USH2A: variants seen among roughly 807,000 people sequenced by gnomAD.
USH2A encodes the protein Usher syndrome 2A (autosomal recessive, mild).
USH2A carries 443 observed loss-of-function variants against 538.9 expected under a neutral mutation model. The ratio of observed to expected loss-of-function variants is 0.82; its 90% CI spans 0.76 to 0.89. The LOEUF (loss-of-function observed/expected upper bound fraction) is 0.89, where lower values mean the gene tolerates loss of function less well. USH2A is among the 40% of genes least tolerant of loss of function. USH2A has a pLI of 0.00. For missense variants in USH2A, 6,633 were observed against 6,324.8 expected (o/e 1.05, Z -1.65); for synonymous variants, 2,413 against 2,273.5 (o/e 1.06, Z -1.75).
At chr1:215,813,631 AT>A (rs1444886127) in intron 49 of USH2A, 104 bp downstream of exon 49, 12 of 1,427,408 alleles carry the variant, frequency 8.4e-6, no homozygotes, top group Non-Finnish European at 1.1e-5. Context: ...TTATGGTTCA[AT>A]TTTTGTTGAG....
chr1:215,821,712 A>G (rs888025010), intron 47 of USH2A, among the ~76,000 whole-genome samples: 1 of 151,842 alleles, frequency 6.6e-6, no homozygotes, highest in African/African-American at 2.4e-5. Flanking sequence ...CATCTCCCCA[A>G]TGCTTTCTTC....
At chr1:215,729,657 G>A (rs563536458) in intron 60 of USH2A, among the ~76,000 whole-genome samples, 1 of 152,116 alleles carries the variant, frequency 6.6e-6, no homozygotes, top group Non-Finnish European at 1.5e-5. Context: ...TTGAGACTGG[G>A]TCTCACTCTG....
chr1:215,856,832 GGTGTGTGTGT>G (rs71159889), intron 44 of USH2A, among the ~76,000 whole-genome samples: 2,147 of 141,970 alleles, frequency 0.015, 31 homozygotes, highest in East Asian at 0.042. Flanking sequence ...AAAAAAATTT[GGTGTGTGTGT>G]GTGTGTGTGT....
chr1:216,214,056 C>G (rs2035298181), intron 15 of USH2A, among the ~76,000 whole-genome samples: 1 of 152,134 alleles, frequency 6.6e-6, no homozygotes, highest in East Asian at 1.9e-4. Flanking sequence ...CCAAATGTTG[C>G]TGAGACCATA....
At chr1:216,233,743 T>C (rs1427741939) in intron 13 of USH2A, among the ~76,000 whole-genome samples, 1 of 152,152 alleles carries the variant, frequency 6.6e-6, no homozygotes, top group Non-Finnish European at 1.5e-5. Flanking sequence ...TTCAAATTAC[T>C]TAAAATCTCT....
rs1023348155 is a variant in USH2A at position 216,348,345 on chromosome 1, T to C, written c.784+16608A>G. ...GACTTATAAAGCCAATAAAAACCCCTTGGGAAAACTGGTCACATTCTTTGT... is the reference window on the plus strand; with the variant it reads ...GACTTATAAAGCCAATAAAAACCCCCTGGGAAAACTGGTCACATTCTTTGT... On this transcript the variant is annotated intron_variant, in intron 4 of 71. Coordinates refer to ENST00000307340, the MANE Select transcript of USH2A (RefSeq NM_206933.4). Among the ~76,000 whole-genome samples, 5 of 152,128 alleles carry C rather than the reference T, an allele frequency of 3.3e-5. No homozygotes were observed. The East Asian group carries it at 9.6e-4, about 29-fold the overall frequency.
intron 3 of USH2A, among the ~76,000 whole-genome samples, chr1:216,408,773 C>A (rs939974029): frequency 6.6e-6 from 1 of 152,134 alleles, no homozygotes; most frequent in Non-Finnish European, 1.5e-5. Context: ...CAAGTTACAA[C>A]TGTGATACAG....
In USH2A at chr1:216,423,021, C is replaced by A. The variant is rs142275703; in HGVS notation, c.-205+193G>T. Among the ~76,000 whole-genome samples, 127 of 152,150 alleles carry A rather than the reference C, an allele frequency of 8.3e-4. 1 individual carries two copies. Among genetic ancestry groups the A allele is most frequent in the Non-Finnish European group, 1.4e-3 (93 of 67,992 alleles). On this transcript the variant is annotated intron_variant, in intron 1 of 71. Transcript: ENST00000307340. ...GCTGGCAAAGGACTTTGGGCCTTTC[C>A]CCTTATCCCAGCATGTGCAGCAACT...
intron 55 of USH2A, among the ~76,000 whole-genome samples, chr1:215,778,301 C>A (rs1209207355): frequency 6.6e-6 from 1 of 152,168 alleles, no homozygotes; most frequent in African/African-American, 2.4e-5. Flanking sequence ...ATCCGGCTGC[C>A]TCGGCGTCCC....
chr1:215,910,771 AG>A (rs1205191830), intron 38 of USH2A, among the ~76,000 whole-genome samples: 1 of 151,900 alleles, frequency 6.6e-6, no homozygotes, highest in Non-Finnish European at 1.5e-5. Flanking sequence ...ATTTGTTCAT[AG>A]TTCCTTTTAA....
chr1:215,735,483 G>C (rs907242978), intron 60 of USH2A, among the ~76,000 whole-genome samples: 1 of 152,074 alleles, frequency 6.6e-6, no homozygotes, highest in African/African-American at 2.4e-5. Flanking sequence ...GAAGGAAATA[G>C]GAAAATCGGA....
intron 2 of USH2A, among the ~76,000 whole-genome samples, 176 bp downstream of exon 2, chr1:216,421,676 C>T (rs192228023): frequency 2.0e-3 from 299 of 152,074 alleles, no homozygotes; most frequent in African/African-American, 7.0e-3. Flanking sequence ...TTTCATGGTC[C>T]ATTTCATCCA....
chr1:215,959,526 G>GAA (rs1667147347), intron 37 of USH2A, among the ~76,000 whole-genome samples: 4 of 152,084 alleles, frequency 2.6e-5, no homozygotes, highest in Admixed American at 2.6e-4. Context: ...TTCAGAAAGA[G>GAA]TTATCTGAGA....
intron 56 of USH2A, among the ~76,000 whole-genome samples, chr1:215,761,642 A>G (rs1416536270): frequency 6.6e-6 from 1 of 152,216 alleles, no homozygotes; most frequent in East Asian, 1.9e-4. Flanking sequence ...TAGGGAATGC[A>G]AAGATGACTA....
rs370176892 is a variant in USH2A at position 215,674,696 on chromosome 1, G to A, written c.13215C>T (p.Cys4405=). 4.3e-6 allele frequency: 7 copies of A among 1,613,970 alleles called. No homozygotes were observed. In the South Asian group the frequency reaches 5.5e-5, roughly 13 times the overall value. ...AAGGCTGCAGGTGGGAAACCAGCAG[G>A]CACAGGCCCTGGCCAGCAAGGGACT... ...NKESLAGQGL[C]LLVSHLQPYS... The change falls in exon 63 of 72, where the codon TGC becomes TGT. Residue 4405 remains cysteine (C), a synonymous_variant. Coordinates refer to ENST00000307340, the MANE Select transcript of USH2A (RefSeq NM_206933.4).
At chr1:216,158,425 G>A (rs1252336113) in intron 21 of USH2A, among the ~76,000 whole-genome samples, 2 of 151,924 alleles carry the variant, frequency 1.3e-5, no homozygotes, top group Admixed American at 1.3e-4. Context: ...GTAGAGATGA[G>A]GTCTCACTAT....
Position 216,199,924 on chromosome 1 carries a change from G to A in USH2A, c.3514C>T (p.Leu1172Phe), listed in dbSNP as rs2034944261. ...TCTATGGGACCAGATTGATTTGAGA[G>A]TGTTGTCCAGGTAAGTGTCACAGAG... ...SDSVTLTWTT[L>F]SNQSGPIEKY... Residue 1172 changes from leucine (L) to phenylalanine (F), a missense_variant, in exon 17 of 72, where the codon CTC becomes TTC. By Grantham distance (22) the Leu-to-Phe change is conservative (BLOSUM62 0). Transcript: ENST00000307340. 1.5e-5 allele frequency: 24 copies of A among 1,614,120 alleles called. No homozygotes were observed. The highest frequency in any genetic ancestry group is 2.0e-5 in the Non-Finnish European group (24 of 1,180,002).
chr1:215,813,688 G>GTA, intron 49 of USH2A, 48 bp downstream of exon 49: 1 of 1,611,900 alleles, frequency 6.2e-7, no homozygotes, highest in Non-Finnish European at 8.5e-7. Flanking sequence ...ACGTGTTTAT[G>GTA]TTTTCAGGTT....
At chr1:216,349,535 C>A (rs114869093) in intron 4 of USH2A, among the ~76,000 whole-genome samples, 1 of 152,130 alleles carries the variant, frequency 6.6e-6, no homozygotes, top group Non-Finnish European at 1.5e-5. Flanking sequence ...CTAAAACCCA[C>A]GAAAACCAAT....
Sources: allele counts gnomAD v4.1 joint callset (sites outside exome capture counted in the v4.1 genomes callset), GRCh38; gene constraint gnomAD v4.1.1; transcripts MANE v1.5; gene names NCBI Gene and HGNC (gene_info 2026-07-23, HGNC 2026-07-21).